Variants in GABRA2 observed in about 807,000 individuals in gnomAD.
The protein encoded by GABRA2 is gamma-aminobutyric acid receptor subunit alpha-2.
A neutral mutation model predicts 48.7 loss-of-function variants in GABRA2; 16 were observed. The ratio of observed to expected loss-of-function variants is 0.33; its 90% CI spans 0.22 to 0.50. The LOEUF (loss-of-function observed/expected upper bound fraction) is 0.50, where lower values mean the gene tolerates loss of function less well. GABRA2 is among the 20% of genes least tolerant of loss of function. GABRA2 has a pLI of 0.98. For synonymous variants in GABRA2, 185 were observed against 184.5 expected (o/e 1.00, Z -0.02); for missense variants, 275 against 535.6 (o/e 0.51, Z 4.80).
Position 46,388,805 on chromosome 4 carries a change from G to C in GABRA2, c.-10-89C>G, listed in dbSNP as rs79874737. On this transcript the variant is annotated intron_variant, in intron 1 of 9. Transcript: ENST00000381620. ...AGTAACCCCAAAGAATATCCTTTTA[G>C]TTAGGGATTCGTGTTAAAGCTATGG... The C allele has an allele frequency of 3.3e-5, 53 of 1,583,704 alleles. No homozygotes were observed. In the East Asian group the frequency reaches 1.2e-3, roughly 35 times the overall value.
chr4:46,303,348 C>T, intron 8 of GABRA2, 112 bp downstream of exon 8: 1 of 1,057,164 alleles, frequency 9.5e-7, no homozygotes, highest in Non-Finnish European at 1.4e-6. Context: ...AAAAACAATA[C>T]TCCCCGCCCC....
chr4:46,368,378 T>G (rs1714378452), intron 3 of GABRA2: 1 of 152,146 alleles, frequency 6.6e-6, no homozygotes, highest in Non-Finnish European at 1.5e-5. Flanking sequence ...TACACATTTC[T>G]TTTTCCCTTT....
Position 46,261,822 on chromosome 4 carries a change from T to C in GABRA2, c.1059+104A>G. The C allele has an allele frequency of 7.5e-6, 7 of 933,042 alleles. No individual in the cohort carries two copies. In the South Asian group the frequency reaches 8.3e-5, roughly 11 times the overall value. 57.8% of individuals were successfully genotyped at this position (933,042 alleles called of 1,614,324 possible). A position where few individuals can be genotyped will look rare whatever the true frequency, so the allele number is the denominator to read the frequency against. On this transcript the variant is annotated intron_variant, in intron 9 of 9. Coordinates refer to ENST00000381620, the MANE Select transcript of GABRA2 (RefSeq NM_000807.4). ...GAAATTGATATGATTCAAATTCATA[T>C]ATATATGGATGTCTTTAATGTCAGT...
intron 4 of GABRA2, among the ~76,000 whole-genome samples, chr4:46,326,894 T>C (rs1285297560): frequency 2.0e-5 from 3 of 151,922 alleles, no homozygotes; most frequent in Non-Finnish European, 4.4e-5. Context: ...TCCTGCTGTG[T>C]TCCATATCCC....
chr4:46,290,578 T>C (rs1723438123), intron 8 of GABRA2, among the ~76,000 whole-genome samples: 3 of 152,152 alleles, frequency 2.0e-5, no homozygotes. Flanking sequence ...TTTTCACTTC[T>C]GATGTAAAGA....
intron 3 of GABRA2, among the ~76,000 whole-genome samples, chr4:46,359,452 C>T (rs557965731): frequency 4.6e-5 from 7 of 152,148 alleles, no homozygotes; most frequent in African/African-American, 7.2e-5. Flanking sequence ...AAGCCTAAGA[C>T]GATGGACAAG....
intron 8 of GABRA2, among the ~76,000 whole-genome samples, chr4:46,278,263 T>C (rs1487446223): frequency 6.6e-6 from 1 of 152,166 alleles, no homozygotes; most frequent in East Asian, 1.9e-4. Flanking sequence ...AACAAAGGTA[T>C]ATGTTGACTT....
At chr4:46,282,077 G>A (rs1335842883) in intron 8 of GABRA2, among the ~76,000 whole-genome samples, 2 of 152,152 alleles carry the variant, frequency 1.3e-5, no homozygotes, top group Admixed American at 1.3e-4. Context: ...TCTTCTAGTT[G>A]CTTCAATTTT....
chr4:46,261,862 C>A (rs970860626), intron 9 of GABRA2, 64 bp downstream of exon 9: 3 of 1,287,086 alleles, frequency 2.3e-6, no homozygotes, highest in Admixed American at 1.7e-5. Context: ...AGAAACATAT[C>A]TGTTACAAGC....
At chr4:46,268,847 G>T (rs1718760463) in intron 8 of GABRA2, among the ~76,000 whole-genome samples, 1 of 151,828 alleles carries the variant, frequency 6.6e-6, no homozygotes, top group African/African-American at 2.4e-5. Flanking sequence ...CAATGGAAAA[G>T]TATTAGTCCT....
intron 8 of GABRA2, among the ~76,000 whole-genome samples, chr4:46,265,039 A>AGG (rs1332689129): frequency 1.4e-5 from 2 of 143,302 alleles, no homozygotes; most frequent in African/African-American, 5.5e-5. Flanking sequence ...AGAGAGAGAG[A>AGG]GAGAGATTGA....
chr4:46,319,475 G>C (rs1729090549), intron 4 of GABRA2, among the ~76,000 whole-genome samples: 1 of 151,738 alleles, frequency 6.6e-6, no homozygotes, highest in African/African-American at 2.4e-5. Context: ...ATCACTCTTG[G>C]AATACACAAG....
chr4:46,276,386 A>G (rs1720509451), intron 8 of GABRA2, among the ~76,000 whole-genome samples: 1 of 152,142 alleles, frequency 6.6e-6, no homozygotes, highest in Non-Finnish European at 1.5e-5. Flanking sequence ...AAGCCACTTT[A>G]TAAGATTAGT....
At chr4:46,263,644 C>T (rs1717503051) in intron 8 of GABRA2, among the ~76,000 whole-genome samples, 1 of 151,978 alleles carries the variant, frequency 6.6e-6, no homozygotes, top group South Asian at 2.1e-4. Flanking sequence ...TTTAAATTAA[C>T]TTTTGAAATC....
At chr4:46,273,484 CATATATATATATATATGCATAT>C (rs1719803493) in intron 8 of GABRA2, among the ~76,000 whole-genome samples, 1 of 18,914 alleles carries the variant, frequency 5.3e-5, no homozygotes, top group African/African-American at 1.8e-4. Context: ...TATATATATG[CATATATATATATATATGCATAT>C]ATATATATAT....
chr4:46,358,449 T>C (rs1736354749), intron 3 of GABRA2, among the ~76,000 whole-genome samples: 1 of 152,214 alleles, frequency 6.6e-6, no homozygotes, highest in Admixed American at 6.5e-5. Context: ...TAACATATTG[T>C]TAATTGAATT....
chr4:46,338,693 G>A (rs1732693017), intron 3 of GABRA2, among the ~76,000 whole-genome samples: 1 of 151,770 alleles, frequency 6.6e-6, no homozygotes, highest in African/African-American at 2.4e-5. Flanking sequence ...ATCTTGGAAA[G>A]TTGCAATTTC....
intron 8 of GABRA2, among the ~76,000 whole-genome samples, chr4:46,272,773 C>G (rs977334311): frequency 2.6e-5 from 4 of 151,874 alleles, no homozygotes; most frequent in African/African-American, 9.7e-5. Flanking sequence ...GGCTACAAGG[C>G]AGGAAGGCAA....
intron 3 of GABRA2, 69 bp from the exon 4 acceptor site, chr4:46,332,751 G>T: frequency 1.1e-6 from 1 of 938,138 alleles, no homozygotes; most frequent in Non-Finnish European, 1.7e-6. Context: ...AAGGGTTTGA[G>T]TACACGGTAT....
Sources: gnomAD v4.1 joint callset for allele counts (sites outside exome capture counted in the v4.1 genomes callset) on GRCh38, gnomAD v4.1.1 for gene constraint, MANE v1.5 for transcripts, NCBI Gene and HGNC (gene_info 2026-07-23, HGNC 2026-07-21) for gene names.